The following MAP3K13 variants were observed in gnomAD, a reference collection of about 807,000 sequenced individuals.
The protein encoded by MAP3K13 is leucine zipper-bearing kinase.
In MAP3K13, 52 loss-of-function variants were observed where a neutral mutation model predicts 104.0. The observed-to-expected ratio is 0.50, with a 90% CI of 0.40 to 0.63. The LOEUF (loss-of-function observed/expected upper bound fraction) is 0.63, where lower values mean the gene tolerates loss of function less well. MAP3K13 is among the 20% of genes least tolerant of loss of function. The pLI is 0.00. For synonymous variants in MAP3K13, 394 were observed against 442.2 expected (o/e 0.89, Z 1.37); for missense variants, 914 against 1,218.5 (o/e 0.75, Z 3.72).
intron 2 of MAP3K13, among the ~76,000 whole-genome samples, chr3:185,335,533 A>C (rs1378860933): frequency 6.6e-6 from 1 of 151,960 alleles, no homozygotes; most frequent in Non-Finnish European, 1.5e-5. Flanking sequence ...AGCATTTTTC[A>C]TTTTCCTTGC....
intron 1 of MAP3K13, among the ~76,000 whole-genome samples, chr3:185,396,679 A>G (rs2108773307): frequency 6.6e-6 from 1 of 152,316 alleles, no homozygotes; most frequent in African/African-American, 2.4e-5. Context: ...ATTGTTCCTA[A>G]GGACATAGGC....
chr3:185,472,926 T>C (rs758359207), intron 10 of MAP3K13, 49 bp from the exon 11 acceptor site: 7 of 1,537,688 alleles, frequency 4.6e-6, no homozygotes, highest in Middle Eastern at 1.7e-4. Flanking sequence ...TTCCCCAAAC[T>C]TGAATGTGTT....
At chr3:185,287,346 G>A (rs1414430082) in intron 2 of MAP3K13, among the ~76,000 whole-genome samples, 1 of 152,162 alleles carries the variant, frequency 6.6e-6, no homozygotes, top group East Asian at 1.9e-4. Context: ...TGTTCTTGAT[G>A]TTTAGAACTG....
At chr3:185,331,955 G>C (rs1188159325) in intron 2 of MAP3K13, among the ~76,000 whole-genome samples, 1 of 152,166 alleles carries the variant, frequency 6.6e-6, no homozygotes, top group Non-Finnish European at 1.5e-5. Context: ...AGTACATAGA[G>C]AGTGTCCTCA....
intron 10 of MAP3K13, among the ~76,000 whole-genome samples, chr3:185,472,223 T>G (rs1287957647): frequency 6.7e-6 from 1 of 148,294 alleles, no homozygotes; most frequent in East Asian, 1.9e-4. Flanking sequence ...TTTTTTTTTT[T>G]TTTTGAGACA....
intron 7 of MAP3K13, among the ~76,000 whole-genome samples, chr3:185,455,602 ATAT>A (rs1716573563): frequency 1.2e-5 from 1 of 83,742 alleles, no homozygotes; most frequent in African/African-American, 4.6e-5. Flanking sequence ...TGAGATATAT[ATAT>A]CATATATATG....
chr3:185,373,813 A>G lies in MAP3K13; in HGVS notation c.-86+10445A>G, dbSNP rs115792770. On this transcript the variant is annotated intron_variant, in intron 1 of 13. Transcript: ENST00000265026. ...CAACCTGGTTAGCCTGGTCCTATAC[A>G]GTGAAAAGGATTTTTTTTTTTTTTT... Among the ~76,000 whole-genome samples, 501 of 141,578 alleles carry G rather than the reference A, an allele frequency of 3.5e-3. 4 individuals carry two copies. The highest frequency in any genetic ancestry group is 0.012 in the African/African-American group (484 of 39,066). The allele number at this position is 141,578 out of a possible 152,430, so 92.9% of individuals were successfully genotyped here.
At chr3:185,314,268 G>A (rs952712038) in intron 2 of MAP3K13, among the ~76,000 whole-genome samples, 3 of 152,092 alleles carry the variant, frequency 2.0e-5, no homozygotes, top group African/African-American at 7.2e-5. Flanking sequence ...TGATTATACC[G>A]CAATACATGA....
upstream of MAP3K13, among the ~76,000 whole-genome samples, chr3:185,358,699 C>T (rs1337430616): frequency 6.6e-6 from 1 of 152,094 alleles, no homozygotes; most frequent in African/African-American, 2.4e-5. Context: ...CAGTTATTGA[C>T]CAAGGCTCCA....
At chr3:185,285,541 G>T (rs895838512) in exon 2 of MAP3K13, 23 of 1,313,506 alleles carry the variant, frequency 1.8e-5, no homozygotes, top group Non-Finnish European at 2.4e-5. Context: ...GAAATCTATG[G>T]ACTCTAAAAT....
chr3:185,452,437 A>G (rs1010137527), intron 7 of MAP3K13, among the ~76,000 whole-genome samples: 1 of 152,016 alleles, frequency 6.6e-6, no homozygotes, highest in Non-Finnish European at 1.5e-5. Flanking sequence ...TGGTTTCACC[A>G]TGTTGCCCAG....
At chr3:185,429,185 C>A in intron 2 of MAP3K13, 129 bp downstream of exon 2, 1 of 830,766 alleles carries the variant, frequency 1.2e-6, no homozygotes, top group African/African-American at 1.7e-5. Flanking sequence ...ATGAATACCT[C>A]ATTTCAGTTT....
At chr3:185,460,590 T>C (rs1272046828) in intron 7 of MAP3K13, among the ~76,000 whole-genome samples, 4 of 152,220 alleles carry the variant, frequency 2.6e-5, no homozygotes, top group Non-Finnish European at 4.4e-5. Context: ...TGCCCAGACA[T>C]GGCTGAATTG....
At chr3:185,449,217 C>CA (rs1314726952) in intron 5 of MAP3K13, among the ~76,000 whole-genome samples, 1 of 151,774 alleles carries the variant, frequency 6.6e-6, no homozygotes, top group African/African-American at 2.4e-5. Flanking sequence ...ACTAAAAATA[C>CA]AAAAAATTAG....
rs1167814141 is a variant in MAP3K13 at position 185,315,006 on chromosome 3, A to T, written c.-86+29363A>T. ...GGTGGCTCATGCCTGTAATCCCAGCACTTTGGGAGGCTGAGGCAGGCGCAT... is the reference window on the plus strand; with the variant it reads ...GGTGGCTCATGCCTGTAATCCCAGCTCTTTGGGAGGCTGAGGCAGGCGCAT... On this transcript the variant is annotated intron_variant, in intron 2 of 14. Coordinates refer to the MAP3K13 transcript ENST00000424227. The surrounding 1 kb of genome is among the most constrained non-coding windows in gnomAD (Gnocchi z 4.3). Among the ~76,000 whole-genome samples, 1 of 151,910 alleles carries T rather than the reference A, an allele frequency of 6.6e-6. No homozygotes were observed. The highest frequency in any genetic ancestry group is 1.5e-5 in the Non-Finnish European group (1 of 67,988).
intron 1 of MAP3K13, 28 bp from the exon 2 acceptor site, chr3:185,428,469 T>A (rs746703287): frequency 7.2e-7 from 1 of 1,393,018 alleles, no homozygotes; most frequent in Non-Finnish European, 9.6e-7. Context: ...GAAAGGATGA[T>A]CTCTTATCTC....
chr3:185,429,863 A>T (rs1489938371), intron 2 of MAP3K13, among the ~76,000 whole-genome samples: 2 of 152,154 alleles, frequency 1.3e-5, no homozygotes, highest in East Asian at 3.8e-4. Flanking sequence ...TATCTAACCA[A>T]TCTTGAGAAG....
chr3:185,408,583 A>AG (rs1426112919), intron 1 of MAP3K13, among the ~76,000 whole-genome samples: 3 of 147,582 alleles, frequency 2.0e-5, no homozygotes, highest in Non-Finnish European at 3.0e-5. Context: ...AAAAAAAAAA[A>AG]GAAGCCGATT....
intron 2 of MAP3K13, among the ~76,000 whole-genome samples, chr3:185,289,299 G>A (rs922896656): frequency 1.3e-5 from 2 of 152,142 alleles, no homozygotes; most frequent in African/African-American, 4.8e-5. Flanking sequence ...GTATGGGAGA[G>A]TGTACTAGAT....
Sources: allele counts gnomAD v4.1 joint callset (sites outside exome capture counted in the v4.1 genomes callset), GRCh38; gene constraint gnomAD v4.1.1; non-coding constraint Gnocchi (gnomAD v3.1); transcripts MANE v1.5; gene names NCBI Gene and HGNC (gene_info 2026-07-23, HGNC 2026-07-21).